Variants in GSN observed in about 807,000 individuals in gnomAD.
The protein encoded by GSN is gelsolin, also known as actin-depolymerizing factor.
A neutral mutation model predicts 85.7 loss-of-function variants in GSN; 56 were observed. That is an observed-to-expected ratio of 0.65 (90% CI 0.53 to 0.82). The LOEUF is 0.82. GSN is among the 40% of genes least tolerant of loss of function. The pLI is 0.00. For synonymous variants in GSN, 373 were observed against 399.1 expected (o/e 0.93, Z 0.78); for missense variants, 857 against 979.8 (o/e 0.87, Z 1.67).
chr9:121,312,326 C>T lies in GSN; in HGVS notation c.514-13C>T. 6.2e-7 allele frequency: 1 copy of T among 1,613,948 alleles called. No individual in the cohort carries two copies. The highest frequency in any genetic ancestry group is 8.5e-7 in the Non-Finnish European group (1 of 1,179,892). On this transcript the variant is annotated splice_polypyrimidine_tract_variant and intron_variant, in intron 5 of 17. Coordinates refer to ENST00000432226, the MANE Select transcript of GSN (RefSeq NM_198252.3). ...AAGGCGGGGCACTGACTTCCTGGGT[C>T]TCTGTCTTCCAGAACATCCACCAGT...
At chr9:121,250,374 T>G (rs2054795690) in intron 6 of GSN, among the ~76,000 whole-genome samples, 1 of 152,062 alleles carries the variant, frequency 6.6e-6, no homozygotes, top group African/African-American at 2.4e-5. Flanking sequence ...CCAGCTAATT[T>G]TTTGTATTTT....
chr9:121,303,147 C>T (rs1194193260), intron 4 of GSN, 82 bp downstream of exon 4: 4 of 1,379,356 alleles, frequency 2.9e-6, no homozygotes, highest in Non-Finnish European at 4.1e-6. Context: ...TATCTTTTGG[C>T]CTTGTGATGC....
intron 2 of GSN, chr9:121,286,765 G>A (rs2058135398): frequency 6.5e-7 from 1 of 1,534,654 alleles, no homozygotes; most frequent in East Asian, 2.4e-5. Flanking sequence ...GTGTACAGTA[G>A]GTATTTTTTA....
At chr9:121,214,190 TTTCCTTCC>T (rs60742470) in intron 4 of GSN, among the ~76,000 whole-genome samples, 11 of 151,560 alleles carry the variant, frequency 7.3e-5, no homozygotes, top group South Asian at 4.2e-4. Flanking sequence ...TCCTCCTTTC[TTTCCTTCC>T]TTCCTTCCTT....
In GSN at chr9:121,313,957, G is replaced by A. The variant is rs754520605; in HGVS notation, c.687G>A (p.Leu229=). The change falls in exon 7 of 18, where the codon CTG becomes CTA. Residue 229 remains leucine, a synonymous_variant. Coordinates refer to ENST00000432226, the MANE Select transcript of GSN (RefSeq NM_198252.3). ...AGGTGCTGGGCCCCAAGCCGGCTCT[G>A]CCTGCAGGTACCGAGGACACCGCCA... is the stretch of plus-strand genomic sequence containing the variant. ...MLQVLGPKPA[L]PAGTEDTAKE... The A allele has an allele frequency of 6.2e-7, 1 of 1,614,168 alleles. No homozygotes were observed.
chr9:121,329,332 T>TGAA lies in GSN; in HGVS notation c.1965+19_1965+21dup. On this transcript the variant is annotated intron_variant, in intron 16 of 17. Transcript: ENST00000432226. The surrounding 1 kb of genome is among the most constrained non-coding windows in gnomAD (Gnocchi z 4.6). ...TGGGACCAGGTGGGTGAAGGACAGG[T>TGAA]GAAGGCTCTCTGTGCCAGAGGGAGT... 6.8e-7 allele frequency: 1 copy of TGAA among 1,468,312 alleles called. No individual in the cohort carries two copies. Among genetic ancestry groups the TGAA allele is most frequent in the African/African-American group, 1.4e-5 (1 of 72,236 alleles). The allele number at this position is 1,468,312 out of a possible 1,614,324, so 91.0% of individuals were successfully genotyped here. A position where few individuals can be genotyped will look rare whatever the true frequency, so the allele number is the denominator to read the frequency against.
chr9:121,279,889 C>T (rs1479223081), intron 1 of GSN: 1 of 152,142 alleles, frequency 6.6e-6, no homozygotes, highest in East Asian at 1.9e-4. Flanking sequence ...AAGTTTCTGC[C>T]ATAGTCTTTG....
chr9:121,217,065 A>T (rs2054077167), intron 4 of GSN, among the ~76,000 whole-genome samples: 1 of 152,098 alleles, frequency 6.6e-6, no homozygotes, highest in Non-Finnish European at 1.5e-5. Context: ...TTTCTTTTTT[A>T]AAATTCAACT....
chr9:121,221,147 A>G (rs2054162651), intron 4 of GSN, among the ~76,000 whole-genome samples: 2 of 152,212 alleles, frequency 1.3e-5, no homozygotes, highest in Admixed American at 1.3e-4. Context: ...GCCCAGTCCG[A>G]GAAAAGCCAG....
chr9:121,269,929 G>A (rs1396105294), intron 1 of GSN, among the ~76,000 whole-genome samples: 5 of 152,166 alleles, frequency 3.3e-5, no homozygotes, highest in Non-Finnish European at 7.4e-5. Context: ...CCCTGCGAGG[G>A]GCCAAAGAGC....
chr9:121,287,394 G>A (rs1256013907), intron 2 of GSN, among the ~76,000 whole-genome samples: 1 of 152,164 alleles, frequency 6.6e-6, no homozygotes, highest in African/African-American at 2.4e-5. Flanking sequence ...AAAGGAAGAT[G>A]TGGGCCCAGT....
chr9:121,230,102 C>G (rs1322342744), intron 4 of GSN, among the ~76,000 whole-genome samples: 2 of 152,092 alleles, frequency 1.3e-5, no homozygotes, highest in Non-Finnish European at 2.9e-5. Flanking sequence ...TTCAAATTGT[C>G]TCATGTTTGT....
intron 5 of GSN, chr9:121,239,109 T>A (rs1298698592): frequency 2.8e-6 from 1 of 361,754 alleles, no homozygotes; most frequent in African/African-American, 2.1e-5. Flanking sequence ...CATTTCTACC[T>A]TCTCCTCGAC....
chr9:121,247,333 TG>T (rs2054720476), intron 5 of GSN, among the ~76,000 whole-genome samples: 1 of 152,196 alleles, frequency 6.6e-6, no homozygotes. Context: ...CCCGCCACAC[TG>T]CTGTCTGGCA....
At chr9:121,300,162 G>C in intron 2 of GSN, 1 of 1,473,612 alleles carries the variant, frequency 6.8e-7, no homozygotes, top group Non-Finnish European at 9.5e-7. Context: ...GCTCTGGCTC[G>C]CAGACGAGGG....
intron 10 of GSN, among the ~76,000 whole-genome samples, chr9:121,320,600 G>A (rs534622712): frequency 1.3e-5 from 2 of 151,354 alleles, no homozygotes; most frequent in Non-Finnish European, 2.9e-5. Context: ...AGCCGAGATT[G>A]CGTCATTGCA....
At chr9:121,267,384 G>A (rs1251283152), upstream of GSN, among the ~76,000 whole-genome samples, 1 of 152,158 alleles carries the variant, frequency 6.6e-6, no homozygotes, top group African/African-American at 2.4e-5. Flanking sequence ...ACACTAATAA[G>A]AACATCCCTT....
chr9:121,332,426 G>A lies in GSN; in HGVS notation c.2027-8G>A, dbSNP rs1052562693. The A allele has an allele frequency of 1.9e-6, 3 of 1,613,658 alleles. No homozygotes were observed. The highest frequency in any genetic ancestry group is 2.7e-5 in the African/African-American group (2 of 74,936). ...TGGGGTTTCCTTTTCTTGCACGTGT[G>A]TCTGCAGCTAAGCGGTACATCGAGA... On this transcript the variant is annotated splice_region_variant and splice_polypyrimidine_tract_variant and intron_variant, in intron 17 of 17. Transcript: ENST00000432226. This position sits in a 1 kb window ranked among gnomAD's most constrained non-coding sequence, Gnocchi z 4.8.
rs995247299 is a variant in GSN, at chr9:121,322,728, C to T, written c.1325+1327C>T. ...TGGATTGTGTGGTCAAACTTTTGGG[C>T]GTTTGCCAATCTTATGGTTTATAAA... is the stretch of plus-strand genomic sequence containing the variant. On this transcript the variant is annotated intron_variant, in intron 11 of 17. Transcript: ENST00000432226. Among the ~76,000 whole-genome samples, 7 of 152,128 alleles carry T rather than the reference C, an allele frequency of 4.6e-5. 1 individual carries two copies. The highest frequency in any genetic ancestry group is 3.9e-4 in the Admixed American group (6 of 15,296).
Sources: allele counts gnomAD v4.1 joint callset (sites outside exome capture counted in the v4.1 genomes callset), GRCh38; gene constraint gnomAD v4.1.1; non-coding constraint Gnocchi (gnomAD v3.1); transcripts MANE v1.5; gene names NCBI Gene and HGNC (gene_info 2026-07-23, HGNC 2026-07-21).